Variants in ABTB3 observed in about 807,000 individuals in gnomAD.
ABTB3 encodes ankyrin repeat- and BTB/POZ domain-containing protein 3.
At chr12:107,584,963 C>CT in the ABTB3 span, among the ~76,000 whole-genome samples, 1,292 of 149,986 alleles carry the variant, frequency 8.6e-3, 10 homozygotes, top group Non-Finnish European at 0.012. Context: ...TGAATTCTCC[C>CT]TTTTTTTTTT....
At chr12:107,326,014 T>C in the ABTB3 span, among the ~76,000 whole-genome samples, 1 of 152,190 alleles carries the variant, frequency 6.6e-6, no homozygotes, top group Non-Finnish European at 1.5e-5. Context: ...CAAGATATTC[T>C]CCTGCCTCAG....
chr12:107,655,265 A>C, the ABTB3 span, among the ~76,000 whole-genome samples: 2 of 151,708 alleles, frequency 1.3e-5, no homozygotes, highest in Non-Finnish European at 2.9e-5. Context: ...AAATATATAT[A>C]TATATATATA....
the ABTB3 span, among the ~76,000 whole-genome samples, chr12:107,489,530 C>G: frequency 6.6e-6 from 1 of 151,020 alleles, no homozygotes; most frequent in South Asian, 2.1e-4. Flanking sequence ...CAAAAACAAA[C>G]AAACAAACAA....
the ABTB3 span, among the ~76,000 whole-genome samples, chr12:107,416,573 A>G: frequency 2.0e-5 from 3 of 152,086 alleles, no homozygotes; most frequent in African/African-American, 7.2e-5. Context: ...TCCAGGAGTA[A>G]CTCACTTACA....
At chr12:107,426,826 G>T in the ABTB3 span, among the ~76,000 whole-genome samples, 2 of 152,024 alleles carry the variant, frequency 1.3e-5, no homozygotes, top group Non-Finnish European at 2.9e-5. Flanking sequence ...AAGTCCTGGG[G>T]ATTCTGTCCT....
chr12:107,483,522 C>G, the ABTB3 span, among the ~76,000 whole-genome samples: 572 of 152,274 alleles, frequency 3.8e-3, 11 homozygotes, highest in African/African-American at 0.013. Flanking sequence ...AGTCCCCCAG[C>G]CTTTTTCCCT....
chr12:107,341,470 G>A, the ABTB3 span, among the ~76,000 whole-genome samples: 1 of 152,172 alleles, frequency 6.6e-6, no homozygotes, highest in African/African-American at 2.4e-5. Flanking sequence ...AGGGTTCCAT[G>A]GGCCTCAGTT....
the ABTB3 span, among the ~76,000 whole-genome samples, chr12:107,428,573 G>C: frequency 7.2e-4 from 110 of 152,330 alleles, no homozygotes; most frequent in African/African-American, 2.4e-3. Flanking sequence ...GAGGGTCCCA[G>C]CAAGACTGAG....
At chr12:107,608,318 C>A in the ABTB3 span, among the ~76,000 whole-genome samples, 1 of 152,188 alleles carries the variant, frequency 6.6e-6, no homozygotes, top group African/African-American at 2.4e-5. Context: ...CTCAGGCCCA[C>A]CCTCCGTCCT....
chr12:107,574,366 A>T, the ABTB3 span, among the ~76,000 whole-genome samples: 6 of 152,220 alleles, frequency 3.9e-5, no homozygotes, highest in Non-Finnish European at 7.3e-5. Flanking sequence ...TCTGTAGGTC[A>T]TGGTTACTCA....
At chr12:107,623,725 T>G in the ABTB3 span, among the ~76,000 whole-genome samples, 1 of 152,062 alleles carries the variant, frequency 6.6e-6, no homozygotes, top group South Asian at 2.1e-4. Context: ...TAATCAGGAG[T>G]GCCCACTTGG....
the ABTB3 span, among the ~76,000 whole-genome samples, chr12:107,539,975 T>C: frequency 6.6e-6 from 1 of 152,168 alleles, no homozygotes; most frequent in African/African-American, 2.4e-5. Context: ...CTTTTAAAAA[T>C]TTCTTGGATG....
chr12:107,446,300 C>A, the ABTB3 span, among the ~76,000 whole-genome samples: 1 of 152,156 alleles, frequency 6.6e-6, no homozygotes, highest in African/African-American at 2.4e-5. Flanking sequence ...TGTTCCAAAG[C>A]TACCATGTCA....
At chr12:107,364,054 C>G in the ABTB3 span, among the ~76,000 whole-genome samples, 1 of 152,162 alleles carries the variant, frequency 6.6e-6, no homozygotes, top group Non-Finnish European at 1.5e-5. Flanking sequence ...GCTGAAGTAA[C>G]AGACAAATCC....
chr12:107,578,383 C>CTTTTTTATTTT, the ABTB3 span, among the ~76,000 whole-genome samples: 1 of 57,196 alleles, frequency 1.7e-5, no homozygotes, highest in Non-Finnish European at 3.0e-5. Flanking sequence ...CTTTCTTCTT[C>CTTTTTTATTTT]TTTTTTTTTT....
the ABTB3 span, among the ~76,000 whole-genome samples, chr12:107,630,201 T>A: frequency 6.6e-6 from 1 of 152,208 alleles, no homozygotes; most frequent in Non-Finnish European, 1.5e-5. Flanking sequence ...CACCACGGCG[T>A]AGCACCCTAA....
the ABTB3 span, chr12:107,651,588 G>A: frequency 1.2e-6 from 1 of 854,126 alleles, no homozygotes; most frequent in Non-Finnish European, 1.9e-6. Context: ...GTGAAGATGA[G>A]GACTGTCTCA....
At chr12:107,641,329 G>A in the ABTB3 span, among the ~76,000 whole-genome samples, 2 of 152,290 alleles carry the variant, frequency 1.3e-5, no homozygotes, top group Admixed American at 6.5e-5. Flanking sequence ...TTTGACAAAG[G>A]TACCATGGCT....
chr12:107,657,503 C>G, the ABTB3 span: 1 of 1,613,450 alleles, frequency 6.2e-7, no homozygotes. Context: ...TCTCCACTCT[C>G]CACAGTTTCT....
Sources: gnomAD v4.1 joint callset for allele counts (sites outside exome capture counted in the v4.1 genomes callset) on GRCh38, gnomAD v4.1.1 for gene constraint, MANE v1.5 for transcripts, NCBI Gene and HGNC (gene_info 2026-07-23, HGNC 2026-07-21) for gene names.